Variants in ASIC2 observed in about 807,000 individuals in gnomAD.
ASIC2 encodes acid-sensing ion channel 2.
ASIC2 carries 25 observed loss-of-function variants against 57.3 expected under a neutral mutation model. That is an observed-to-expected ratio of 0.44 (90% CI 0.32 to 0.61). The LOEUF is 0.61. ASIC2 is among the 20% of genes least tolerant of loss of function. The pLI, the probability that ASIC2 is intolerant of heterozygous loss-of-function variation, is 0.06. For missense variants in ASIC2, 641 were observed against 738.1 expected (o/e 0.87, Z 1.52); for synonymous variants, 319 against 307.5 (o/e 1.04, Z -0.39).
chr17:34,040,034 G>T (rs1048244926), intron 1 of ASIC2, among the ~76,000 whole-genome samples: 1 of 149,948 alleles, frequency 6.7e-6, no homozygotes, highest in African/African-American at 2.5e-5. Context: ...CACCGCCGGC[G>T]CCGGGCTCCA....
chr17:33,358,214 C>G (rs896714726), intron 1 of ASIC2, among the ~76,000 whole-genome samples: 9 of 152,154 alleles, frequency 5.9e-5, no homozygotes, highest in Non-Finnish European at 1.2e-4. Flanking sequence ...CAGCCATGTT[C>G]ATTTGTTTGT....
At chr17:34,051,041 C>A (rs930089866) in intron 1 of ASIC2, among the ~76,000 whole-genome samples, 4 of 152,206 alleles carry the variant, frequency 2.6e-5, no homozygotes, top group African/African-American at 9.7e-5. Flanking sequence ...AGAAACACTT[C>A]CAGACTTAAG....
chr17:33,648,600 G>A (rs373598958), intron 1 of ASIC2, among the ~76,000 whole-genome samples: 2 of 152,292 alleles, frequency 1.3e-5, no homozygotes, highest in African/African-American at 4.8e-5. Flanking sequence ...TTCTACATGC[G>A]CAGCCTGCAT....
chr17:33,680,453 G>C (rs1475815175), intron 1 of ASIC2: 1 of 152,068 alleles, frequency 6.6e-6, no homozygotes, highest in African/African-American at 2.4e-5. Flanking sequence ...GGCCTCCCCA[G>C]GGAGGAGCAG....
Position 33,502,748 on chromosome 17 carries a change from A to G in ASIC2, c.556-390681T>C, listed in dbSNP as rs116719086. On this transcript the variant is annotated intron_variant, in intron 1 of 9. Transcript: ENST00000359872. ...GGGTCCCAGTGTCCGCATCCTTAAA[A>G]TGGGTTGGCCTCAATTATTTCTTGA... is the stretch of plus-strand genomic sequence containing the variant. 4.0e-3 allele frequency among the ~76,000 whole-genome samples: 603 copies of G among 152,284 alleles called. 3 individuals carry two copies. The highest frequency in any genetic ancestry group is 0.014 in the African/African-American group (570 of 41,554).
chr17:33,619,610 T>C (rs558469527), intron 1 of ASIC2, among the ~76,000 whole-genome samples: 1 of 152,272 alleles, frequency 6.6e-6, no homozygotes, highest in East Asian at 1.9e-4. Context: ...AAACAAGAGC[T>C]TGAAAATAGA....
chr17:33,969,914 C>T (rs1032546268), intron 1 of ASIC2, among the ~76,000 whole-genome samples: 7 of 152,138 alleles, frequency 4.6e-5, no homozygotes, highest in Non-Finnish European at 7.3e-5. Context: ...ACTTTCCACT[C>T]TGGGCTAGGG....
Position 34,028,589 on chromosome 17 carries a change from G to A in ASIC2, c.555+127389C>T, listed in dbSNP as rs117996801. ...GGATGCTATCTCATTTACATACTCCGCTAGGATCATTATTTCACCAGCAGC... is the reference window on the plus strand; with the variant it reads ...GGATGCTATCTCATTTACATACTCCACTAGGATCATTATTTCACCAGCAGC... On this transcript the variant is annotated intron_variant, in intron 1 of 9. Transcript: ENST00000359872. Among the ~76,000 whole-genome samples, 71 of 152,210 alleles carry A rather than the reference G, an allele frequency of 4.7e-4. No homozygotes were observed. The East Asian group carries it at 0.012, about 25-fold the overall frequency.
chr17:33,224,329 G>A (rs544853451), intron 1 of ASIC2, among the ~76,000 whole-genome samples: 19 of 152,306 alleles, frequency 1.2e-4, no homozygotes, highest in African/African-American at 2.6e-4. Context: ...GTGCAGAGAC[G>A]CCACATCTGT....
At chr17:34,106,436 A>G (rs893632956) in intron 1 of ASIC2, among the ~76,000 whole-genome samples, 4 of 151,932 alleles carry the variant, frequency 2.6e-5, no homozygotes, top group African/African-American at 9.7e-5. Context: ...AAGCTCCAGC[A>G]CTCCTTCCAT....
chr17:34,095,547 T>C (rs1910486351), intron 1 of ASIC2, among the ~76,000 whole-genome samples: 1 of 148,120 alleles, frequency 6.8e-6, no homozygotes, highest in Non-Finnish European at 1.5e-5. Flanking sequence ...ATTTTAATCA[T>C]GAAAAAATGA....
intron 1 of ASIC2, among the ~76,000 whole-genome samples, chr17:33,203,734 G>C (rs1251560500): frequency 1.3e-5 from 2 of 152,160 alleles, no homozygotes; most frequent in Non-Finnish European, 2.9e-5. Context: ...TCACTCCTCA[G>C]GTCCCTGCTC....
intron 1 of ASIC2, among the ~76,000 whole-genome samples, chr17:33,868,629 C>G (rs1313653818): frequency 6.6e-6 from 1 of 152,044 alleles, no homozygotes; most frequent in South Asian, 2.1e-4. Flanking sequence ...AACTTTTGTG[C>G]CCAAAGGGCA....
At chr17:33,764,585 G>A (rs187919426) in intron 1 of ASIC2, among the ~76,000 whole-genome samples, 3 of 152,174 alleles carry the variant, frequency 2.0e-5, no homozygotes, top group Non-Finnish European at 4.4e-5. Flanking sequence ...ATCACATGGC[G>A]AGGGGTCTGA....
chr17:33,895,003 A>G (rs1456921761), intron 1 of ASIC2, among the ~76,000 whole-genome samples: 1 of 152,170 alleles, frequency 6.6e-6, no homozygotes, highest in South Asian at 2.1e-4. Flanking sequence ...CCATATTGGG[A>G]AATTTCAGAC....
At chr17:33,311,174 G>C (rs1384787987) in intron 1 of ASIC2, among the ~76,000 whole-genome samples, 1 of 152,224 alleles carries the variant, frequency 6.6e-6, no homozygotes, top group Non-Finnish European at 1.5e-5. Context: ...TGGCTGCTTT[G>C]CATCTCATCT....
At chr17:33,983,570 G>A (rs985394407) in intron 1 of ASIC2, among the ~76,000 whole-genome samples, 1 of 152,126 alleles carries the variant, frequency 6.6e-6, no homozygotes, top group Non-Finnish European at 1.5e-5. Flanking sequence ...GTCTTCTGAG[G>A]GTCACCTGGA....
At chr17:33,692,146 C>T (rs1220082478) in intron 1 of ASIC2, 1 of 152,136 alleles carries the variant, frequency 6.6e-6, no homozygotes, top group African/African-American at 2.4e-5. Flanking sequence ...ACACCATATT[C>T]TATAGTTAGG....
intron 1 of ASIC2, among the ~76,000 whole-genome samples, chr17:34,128,490 G>T (rs532835232): frequency 9.9e-5 from 15 of 152,140 alleles, no homozygotes; most frequent in Middle Eastern, 3.2e-3. Context: ...GATAGTAGAG[G>T]AGGAGGGGCC....
Sources: gnomAD v4.1 joint callset for allele counts (sites outside exome capture counted in the v4.1 genomes callset) on GRCh38, gnomAD v4.1.1 for gene constraint, MANE v1.5 for transcripts, NCBI Gene and HGNC (gene_info 2026-07-23, HGNC 2026-07-21) for gene names.